The following LTBP1 variants were observed in gnomAD, a reference collection of about 807,000 sequenced individuals.
LTBP1 encodes latent transforming growth factor beta binding protein 1, also known as latent-transforming growth factor beta-binding protein 1.
LTBP1 carries 129 observed loss-of-function variants against 207.6 expected under a neutral mutation model. The observed-to-expected ratio is 0.62, with a 90% CI of 0.54 to 0.72. The LOEUF is 0.72. Among genes scored for constraint, LTBP1 ranks in the 30% least tolerant of loss-of-function variants. The pLI is 0.00. For missense variants in LTBP1, 2,281 were observed against 2,217.2 expected, an observed-to-expected ratio of 1.03 and a Z score of -0.58; for synonymous variants, 963 against 833.7, an observed-to-expected ratio of 1.16 and a Z score of -2.67.
intron 7 of LTBP1, among the ~76,000 whole-genome samples, chr2:33,202,158 C>T (rs756794629): frequency 3.6e-4 from 54 of 151,992 alleles, no homozygotes; most frequent in Non-Finnish European, 6.3e-4. Context: ...AATATGAGCT[C>T]ATTGAAGTGG....
intron 7 of LTBP1, among the ~76,000 whole-genome samples, chr2:33,198,099 T>A (rs1036201398): frequency 2.0e-5 from 3 of 152,236 alleles, no homozygotes; most frequent in African/African-American, 7.2e-5. Context: ...TATAAAACTC[T>A]TAGAAAATAT....
At chr2:33,201,338 GA>G (rs1285311940) in intron 7 of LTBP1, among the ~76,000 whole-genome samples, 1 of 152,118 alleles carries the variant, frequency 6.6e-6, no homozygotes, top group Non-Finnish European at 1.5e-5. Flanking sequence ...GGACAGGGAT[GA>G]AATTGGAAAT....
chr2:33,158,068 G>C (rs576287627), intron 5 of LTBP1, among the ~76,000 whole-genome samples: 5 of 150,690 alleles, frequency 3.3e-5, no homozygotes, highest in Admixed American at 6.6e-5. Flanking sequence ...CCTGAGAGGC[G>C]GTGATTGCAG....
intron 2 of LTBP1, 95 bp downstream of exon 2, chr2:32,949,040 C>CG: frequency 4.1e-6 from 5 of 1,215,406 alleles, no homozygotes; most frequent in Admixed American, 1.7e-5. Context: ...TGAAAGGGCT[C>CG]GGGGGAAGTT....
rs116403516 is a variant in LTBP1, at chr2:33,104,622, C to A, written c.864-5960C>A. ...TTTTTCTCCTCTTCTGACTTTTTGG[C>A]CTCCTATATTCTCTTTATGTCCCTA... On this transcript the variant is annotated intron_variant, in intron 3 of 33. Coordinates refer to ENST00000404816, the MANE Select transcript of LTBP1 (RefSeq NM_206943.4). Among the ~76,000 whole-genome samples the A allele has an allele frequency of 8.0e-3, 1,214 of 152,250 alleles. 11 individuals carry two copies. The highest frequency in any genetic ancestry group is 0.01 in the Middle Eastern group (3 of 294).
chr2:33,242,564 C>G (rs2092365631), intron 9 of LTBP1, among the ~76,000 whole-genome samples: 2 of 143,770 alleles, frequency 1.4e-5, no homozygotes, highest in African/African-American at 5.0e-5. Context: ...TCCGCAAAAC[C>G]AGCTGTGATT....
rs61357622 is a variant in LTBP1, at chr2:33,352,970, C to CTT, written c.4000+5485_4000+5486dup. Among the ~76,000 whole-genome samples the CTT allele has an allele frequency of 5.0e-3, 462 of 93,212 alleles. 24 individuals carry two copies. Among genetic ancestry groups the CTT allele is most frequent in the African/African-American group, 0.018 (378 of 20,970 alleles). The allele number at this position is 93,212 out of a possible 152,430, so 61.2% of individuals were successfully genotyped here. A position where few individuals can be genotyped will look rare whatever the true frequency, so the allele number is the denominator to read the frequency against. ...TGTGCCCTCCCCCTTGTAAGCCTTT[C>CTT]TTTTTTTTTTTTTTTTTTTTTTTTT... On this transcript the variant is annotated intron_variant, in intron 26 of 33. Coordinates refer to ENST00000404816, the MANE Select transcript of LTBP1 (RefSeq NM_206943.4).
At position 33,134,815 on chromosome 2, in the gene LTBP1, C is replaced by T. The variant is rs1295831517; in HGVS notation, c.1056C>T (p.Ile352=). ...TAGTGAGTAACCACACTGGCCGCAT[C>T]AAGGTGGTCTTTACTCCGAGCATCT... ...PFQLSNHTGR[I]KVVFTPSICK... Residue 352 remains isoleucine (I), a synonymous_variant, in exon 5 of 34, where the codon ATC becomes ATT. Coordinates refer to ENST00000404816, the MANE Select transcript of LTBP1 (RefSeq NM_206943.4). This position sits in a 1 kb window ranked among gnomAD's most constrained non-coding sequence, Gnocchi z 4.4. 1.2e-6 allele frequency: 2 copies of T among 1,614,018 alleles called. No homozygotes were observed. Among genetic ancestry groups the T allele is most frequent in the African/African-American group, 2.7e-5 (2 of 74,902 alleles).
chr2:32,947,184 G>A lies in LTBP1; in HGVS notation c.-141G>A. On this transcript the variant is annotated 5_prime_UTR_variant, in exon 1 of 34. Transcript: ENST00000404816. Reference sequence around the variant, plus strand: ...AGCTGCCCGCAGAGCCTCCTCCCTCGCCACCGACTTGGTCTCCTCCCGCCT... The same window carrying A: ...AGCTGCCCGCAGAGCCTCCTCCCTCACCACCGACTTGGTCTCCTCCCGCCT... 3.7e-6 allele frequency: 2 copies of A among 540,878 alleles called. No individual in the cohort carries two copies. The highest frequency in any genetic ancestry group is 5.5e-6 in the Non-Finnish European group (2 of 366,410). The allele number at this position is 540,878 out of a possible 1,614,324, so 33.5% of individuals were successfully genotyped here.
chr2:33,170,276 C>G (rs1243954889), intron 5 of LTBP1, among the ~76,000 whole-genome samples: 1 of 152,192 alleles, frequency 6.6e-6, no homozygotes. Context: ...CAGACGGCAC[C>G]TGGAAAATCG....
chr2:33,185,983 ACCATAAGCTAAAATAG>A (rs1450880402), intron 5 of LTBP1, among the ~76,000 whole-genome samples: 1 of 152,196 alleles, frequency 6.6e-6, no homozygotes, highest in African/African-American at 2.4e-5. Flanking sequence ...AAAGAGGTTG[ACCATAAGCTAAAATAG>A]CCAGAGTTAT....
intron 6 of LTBP1, among the ~76,000 whole-genome samples, chr2:33,188,275 G>T (rs2087427465): frequency 6.6e-6 from 1 of 151,838 alleles, no homozygotes; most frequent in Admixed American, 6.6e-5. Flanking sequence ...ACAAAAATTA[G>T]CCAGGCATGG....
At chr2:32,968,547 T>C (rs1179540572) in intron 2 of LTBP1, among the ~76,000 whole-genome samples, 1 of 152,188 alleles carries the variant, frequency 6.6e-6, no homozygotes, top group African/African-American at 2.4e-5. Context: ...CAACATATTG[T>C]TGGGTTTTCT....
chr2:33,232,564 G>A (rs145560480), intron 9 of LTBP1, among the ~76,000 whole-genome samples: 134 of 152,208 alleles, frequency 8.8e-4, no homozygotes, highest in African/African-American at 3.1e-3. Flanking sequence ...AGTATTTCTT[G>A]TATCCTGTGC....
rs532289065 is a variant in LTBP1, at chr2:33,054,213, A to G, written c.863+33007A>G. On this transcript the variant is annotated intron_variant, in intron 3 of 33. Coordinates refer to ENST00000404816, the MANE Select transcript of LTBP1 (RefSeq NM_206943.4). ...AGTCTAAGATCTTGCACTAGTCTCC[A>G]CTGACCGTTCGGTTTTTGTACTCCT... Among the ~76,000 whole-genome samples the G allele has an allele frequency of 2.6e-5, 4 of 152,344 alleles. No individual in the cohort carries two copies. The South Asian group carries it at 8.3e-4, about 32-fold the overall frequency.
chr2:33,365,920 T>C (rs1453895115), intron 31 of LTBP1, among the ~76,000 whole-genome samples: 1 of 152,204 alleles, frequency 6.6e-6, no homozygotes, highest in Non-Finnish European at 1.5e-5. Context: ...CAAATTTTCA[T>C]GTCAATCTCT....
intron 4 of LTBP1, among the ~76,000 whole-genome samples, chr2:33,119,949 G>C (rs569430457): frequency 6.6e-6 from 1 of 152,170 alleles, no homozygotes; most frequent in Non-Finnish European, 1.5e-5. Flanking sequence ...GTTTGTTTTT[G>C]AATATCTCCT....
At chr2:33,348,176 T>A (rs1273251888) in intron 26 of LTBP1, among the ~76,000 whole-genome samples, 1 of 152,206 alleles carries the variant, frequency 6.6e-6, no homozygotes, top group Non-Finnish European at 1.5e-5. Context: ...CAAATGGTCC[T>A]TTGAGAGCCA....
At position 33,384,948 on chromosome 2, in the gene LTBP1, A is replaced by G. The variant is rs73929413; in HGVS notation, c.4712-4236A>G. Among the ~76,000 whole-genome samples, 1,328 of 152,212 alleles carry G rather than the reference A, an allele frequency of 8.7e-3. 25 individuals are homozygous for G. Among genetic ancestry groups the G allele is most frequent in the African/African-American group, 0.03 (1,244 of 41,546 alleles). On this transcript the variant is annotated intron_variant, in intron 31 of 33. Transcript: ENST00000404816. ...GAGGATGACTTGCCCAAGTCCTGAT[A>G]TTTCCATTGCTTTCCTGAAAGATGG... is the stretch of plus-strand genomic sequence containing the variant.
Sources: gnomAD v4.1 joint callset for allele counts (sites outside exome capture counted in the v4.1 genomes callset) on GRCh38, gnomAD v4.1.1 for gene constraint, Gnocchi (gnomAD v3.1) non-coding constraint, MANE v1.5 for transcripts, NCBI Gene and HGNC (gene_info 2026-07-23, HGNC 2026-07-21) for gene names.